Variants in CFAP70 observed in about 807,000 individuals in gnomAD.
CFAP70 encodes cilia and flagella associated protein 70, also known as cilia- and flagella-associated protein 70.
Under a neutral mutation model 137.6 loss-of-function variants are expected in CFAP70, and 81 were observed. That is an observed-to-expected ratio of 0.59 (90% CI 0.49 to 0.71). The LOEUF is 0.71. Ranked by LOEUF, CFAP70 falls within the 30% of genes least tolerant of loss-of-function variation. The pLI is 0.00. For synonymous variants in CFAP70, 382 were observed against 423.6 expected (o/e 0.90, Z 1.20); for missense variants, 976 against 1,226.7 (o/e 0.80, Z 3.05).
intron 25 of CFAP70, among the ~76,000 whole-genome samples, chr10:73,261,509 G>A (rs2045188393): frequency 6.6e-6 from 1 of 152,054 alleles, no homozygotes; most frequent in Admixed American, 6.6e-5. Flanking sequence ...GCTTGTGTAG[G>A]GAAACTCCCA....
chr10:73,291,646 A>G, exon 18 of CFAP70: 1 of 1,612,714 alleles, frequency 6.2e-7, no homozygotes, highest in South Asian at 1.1e-5. Flanking sequence ...CTACCAAGTA[A>G]AGTCCAGGCT....
At chr10:73,349,491 C>T (rs1326360166) in intron 3 of CFAP70, among the ~76,000 whole-genome samples, 2 of 150,724 alleles carry the variant, frequency 1.3e-5, no homozygotes, top group Non-Finnish European at 2.9e-5. Flanking sequence ...TGCAGTGAGC[C>T]GAGACTGTGC....
At chr10:73,288,332 A>T (rs2047902412) in intron 19 of CFAP70, among the ~76,000 whole-genome samples, 1 of 152,200 alleles carries the variant, frequency 6.6e-6, no homozygotes, top group Non-Finnish European at 1.5e-5. Context: ...TAAAGCTATA[A>T]AAGAACAAAA....
At chr10:73,353,663 A>G in exon 3 of CFAP70, 1 of 1,614,150 alleles carries the variant, frequency 6.2e-7, no homozygotes, top group Non-Finnish European at 8.5e-7. Context: ...AGAAACAGTA[A>G]TTTTTGCAGA....
chr10:73,306,311 A>G (rs1444844111), intron 12 of CFAP70, among the ~76,000 whole-genome samples: 1 of 152,182 alleles, frequency 6.6e-6, no homozygotes, highest in Non-Finnish European at 1.5e-5. Flanking sequence ...AACTTCCCAA[A>G]TTTGGTGAAA....
At chr10:73,264,258 G>C (rs1409619883) in intron 25 of CFAP70, among the ~76,000 whole-genome samples, 1 of 152,078 alleles carries the variant, frequency 6.6e-6, no homozygotes, top group Non-Finnish European at 1.5e-5. Context: ...TTCTAAACTG[G>C]ACAAATGCCC....
chr10:73,269,722 A>T lies in CFAP70; in HGVS notation c.2926-7T>A, dbSNP rs1190656690. The T allele has an allele frequency of 6.3e-7, 1 of 1,592,942 alleles. No homozygotes were observed. The highest frequency in any genetic ancestry group is 8.6e-7 in the Non-Finnish European group (1 of 1,161,396). On this transcript the variant is annotated splice_region_variant and splice_polypyrimidine_tract_variant and intron_variant, in intron 24 of 26. Transcript: ENST00000310715. ...CCTCTGTGAGCTCCTCCAGCTTGACAGAAAAATGAGACATGTGAGTTAGCT... is the reference window on the plus strand; with the variant it reads ...CCTCTGTGAGCTCCTCCAGCTTGACTGAAAAATGAGACATGTGAGTTAGCT...
intron 21 of CFAP70, 26 bp downstream of exon 22, chr10:73,277,214 A>ATCC: frequency 1.9e-6 from 3 of 1,598,912 alleles, no homozygotes; most frequent in Non-Finnish European, 2.6e-6. Flanking sequence ...CTTTCCATCT[A>ATCC]CTTGCCCTTT....
At chr10:73,274,376 C>T in intron 23 of CFAP70, 57 bp downstream of exon 24, 2 of 1,526,436 alleles carry the variant, frequency 1.3e-6, no homozygotes, top group Non-Finnish European at 1.8e-6. Flanking sequence ...GATGTTAATG[C>T]TTGAATTACA....
intron 3 of CFAP70, among the ~76,000 whole-genome samples, chr10:73,351,071 G>GTGTACATATATA (rs1422420902): frequency 3.2e-5 from 1 of 31,382 alleles, no homozygotes; most frequent in Non-Finnish European, 6.7e-5. Flanking sequence ...GTGTGTGTGT[G>GTGTACATATATA]TATATATATA....
At chr10:73,351,591 C>T (rs2054277325) in intron 3 of CFAP70, among the ~76,000 whole-genome samples, 1 of 152,082 alleles carries the variant, frequency 6.6e-6, no homozygotes, top group African/African-American at 2.4e-5. Context: ...CTCCACCACG[C>T]CTGGCTAATA....
rs150350940 is a variant in CFAP70 at position 73,291,425 on chromosome 10, T to C, written c.2040A>G (p.Gln680=). 3.5e-4 allele frequency: 569 copies of C among 1,614,092 alleles called. 5 individuals carry two copies. Among genetic ancestry groups the C allele is most frequent in the Middle Eastern group, 3.3e-3 (20 of 6,084 alleles). ...CCATTTCCATTCGAATATCATTGTTTTGAATTTCATAGTACAAACCTGGGG... is the reference window on the plus strand; with the variant it reads ...CCATTTCCATTCGAATATCATTGTTCTGAATTTCATAGTACAAACCTGGGG... The change falls in exon 19 of 27, where the codon CAA becomes CAG. Residue 680 remains glutamine, a synonymous_variant. Coordinates refer to ENST00000310715, the Ensembl canonical transcript of CFAP70.
In CFAP70 at chr10:73,259,781, C is replaced by T. The variant is rs1303979823; in HGVS notation, c.3028-3365G>A. Among the ~76,000 whole-genome samples, 3 of 152,054 alleles carry T rather than the reference C, an allele frequency of 2.0e-5. No homozygotes were observed. In the South Asian group the frequency reaches 6.2e-4, roughly 31 times the overall value. On this transcript the variant is annotated intron_variant, in intron 25 of 26. Transcript: ENST00000310715. ...TGCAGCAGTTCATGCCTGTAATCCCCGCACTTTGCAAGGCTGAGGGGGAAA... is the reference window on the plus strand; with the variant it reads ...TGCAGCAGTTCATGCCTGTAATCCCTGCACTTTGCAAGGCTGAGGGGGAAA...
Position 73,313,999 on chromosome 10 carries a change from TATAG to T in CFAP70, c.913-1360_913-1357del, listed in dbSNP as rs562165039. The stretch of plus-strand genomic sequence containing the variant: ...AACCTTTGTATGGAAAAATTCAAAC[TATAG>T]ATAAACCACCAGAAAAGGATTTTAC... On this transcript the variant is annotated intron_variant, in intron 9 of 26. Transcript: ENST00000310715. Among the ~76,000 whole-genome samples, 24 of 152,360 alleles carry T rather than the reference TATAG, an allele frequency of 1.6e-4. No individual in the cohort carries two copies. In the South Asian group the frequency reaches 5.0e-3, roughly 32 times the overall value.
At chr10:73,345,893 T>C (rs1017747607) in intron 4 of CFAP70, among the ~76,000 whole-genome samples, 2 of 152,100 alleles carry the variant, frequency 1.3e-5, no homozygotes, top group African/African-American at 4.8e-5. Flanking sequence ...ATTTTTGTCA[T>C]TTTTTTAATT....
At chr10:73,353,658 C>G in exon 3 of CFAP70, 2 of 1,614,156 alleles carry the variant, frequency 1.2e-6, no homozygotes, top group Non-Finnish European at 1.7e-6. Context: ...TCTGGAGAAA[C>G]AGTAATTTTT....
intron 4 of CFAP70, chr10:73,347,111 TGTAA>T (rs1564882662): frequency 6.6e-6 from 1 of 152,190 alleles, no homozygotes; most frequent in African/African-American, 2.4e-5. Flanking sequence ...TTTAGGTATA[TGTAA>T]GTAAGTCAGG....
Position 73,281,372 on chromosome 10 carries a change from A to G in CFAP70, c.2240-3035T>C, listed in dbSNP as rs2047246528. ...TATTTTTTTTTTTTTTAATTTTTGT[A>G]GAGATAGAGTTTTGCCATTTTGTGC... On this transcript the variant is annotated intron_variant, in intron 19 of 26. Coordinates refer to ENST00000310715, the Ensembl canonical transcript of CFAP70. Among the ~76,000 whole-genome samples the G allele has an allele frequency of 5.3e-5, 8 of 149,556 alleles. No homozygotes were observed. The South Asian group carries it at 1.7e-3, about 32-fold the overall frequency.
chr10:73,352,891 A>G (rs527496629), intron 3 of CFAP70, among the ~76,000 whole-genome samples: 87 of 152,268 alleles, frequency 5.7e-4, no homozygotes, highest in Non-Finnish European at 9.9e-4. Context: ...TGTCCCATGA[A>G]TGATTCATAA....
Sources: gnomAD v4.1 joint callset for allele counts (sites outside exome capture counted in the v4.1 genomes callset) on GRCh38, gnomAD v4.1.1 for gene constraint, MANE v1.5 for transcripts, NCBI Gene and HGNC (gene_info 2026-07-23, HGNC 2026-07-21) for gene names.